Variants in MYO3B observed in about 807,000 individuals in gnomAD.
The protein encoded by MYO3B is myosin-IIIb.
MYO3B carries 156 observed loss-of-function variants against 174.6 expected under a neutral mutation model. The observed-to-expected ratio is 0.89, with a 90% CI of 0.78 to 1.02. The LOEUF (loss-of-function observed/expected upper bound fraction) is 1.02, where lower values mean the gene tolerates loss of function less well. MYO3B is among the 50% of genes least tolerant of loss of function. The probability of loss-of-function intolerance (pLI) is 0.00; values close to 1 mark genes in which losing one functional copy is unlikely to be tolerated. For missense variants in MYO3B, 1,632 were observed against 1,639.4 expected, an observed-to-expected ratio of 1.00 and a Z score of 0.08; for synonymous variants, 563 against 569.1, an observed-to-expected ratio of 0.99 and a Z score of 0.15.
rs551969787 is a variant in MYO3B, at chr2:170,534,590, T to C, written c.3576-8316T>C. On this transcript the variant is annotated intron_variant, in intron 30 of 34. Coordinates refer to ENST00000408978, the MANE Select transcript of MYO3B (RefSeq NM_138995.5). ...CCACCGAAGTAGCTGGGACTACAGA[T>C]GTGCGCCACCACGCCTGACTAAATT... Among the ~76,000 whole-genome samples, 4 of 152,262 alleles carry C rather than the reference T, an allele frequency of 2.6e-5. No individual in the cohort carries two copies. The East Asian group carries it at 7.7e-4, about 29-fold the overall frequency.
intron 32 of MYO3B, among the ~76,000 whole-genome samples, chr2:170,622,579 TTTTA>T (rs1482543180): frequency 1.1e-4 from 16 of 151,052 alleles, no homozygotes; most frequent in African/African-American, 4.0e-4. Flanking sequence ...ATACATTTTT[TTTTA>T]TTATTATACT....
chr2:170,343,015 A>G (rs1194911297), intron 8 of MYO3B, among the ~76,000 whole-genome samples: 1 of 148,344 alleles, frequency 6.7e-6, no homozygotes, highest in Non-Finnish European at 1.5e-5. Flanking sequence ...ACTTACTTCC[A>G]CAGTTCGGGC....
At chr2:170,243,690 G>A (rs953694226) in intron 7 of MYO3B, among the ~76,000 whole-genome samples, 5 of 152,060 alleles carry the variant, frequency 3.3e-5, no homozygotes, top group Admixed American at 3.3e-4. Flanking sequence ...ATATCTCAAG[G>A]GCATATTTAT....
chr2:170,486,552 C>T (rs1354674044), intron 25 of MYO3B, among the ~76,000 whole-genome samples: 2 of 152,154 alleles, frequency 1.3e-5, no homozygotes, highest in Non-Finnish European at 2.9e-5. Flanking sequence ...CCGCCCGCCT[C>T]GGCCTCCCAG....
chr2:170,489,169 C>T (rs1686267765), intron 25 of MYO3B, among the ~76,000 whole-genome samples: 1 of 152,180 alleles, frequency 6.6e-6, no homozygotes, highest in African/African-American at 2.4e-5. Context: ...AAATTTCTCA[C>T]CTTGGGCCAA....
At chr2:170,348,826 A>T (rs1344407500) in intron 8 of MYO3B, among the ~76,000 whole-genome samples, 2 of 152,128 alleles carry the variant, frequency 1.3e-5, no homozygotes, top group Non-Finnish European at 2.9e-5. Context: ...TGCTTTCCCT[A>T]ATCCACTTCT....
At chr2:170,650,873 G>A (rs1267239919) in intron 32 of MYO3B, among the ~76,000 whole-genome samples, 7 of 151,340 alleles carry the variant, frequency 4.6e-5, no homozygotes, top group African/African-American at 1.2e-4. Flanking sequence ...TAGTAGAGAC[G>A]GGGTTTCACC....
At chr2:170,207,873 C>T (rs2092730748) in intron 3 of MYO3B, among the ~76,000 whole-genome samples, 3 of 152,040 alleles carry the variant, frequency 2.0e-5, no homozygotes, top group Non-Finnish European at 4.4e-5. Context: ...CTTTCTTTTC[C>T]TCCATCCTTG....
At chr2:170,464,438 A>G (rs7559169) in intron 24 of MYO3B, among the ~76,000 whole-genome samples, 76,270 of 151,872 alleles carry the variant, frequency 0.5, 20,774 homozygotes, top group Middle Eastern at 0.63. Flanking sequence ...TTGGCACAAG[A>G]AAGGGCTTGG....
chr2:170,336,092 G>A (rs1421253406), intron 8 of MYO3B, among the ~76,000 whole-genome samples: 2 of 152,136 alleles, frequency 1.3e-5, no homozygotes, highest in Admixed American at 6.5e-5. Context: ...CTGGGGTCAT[G>A]GGCTTTTGGA....
At chr2:170,582,434 A>T (rs1050156445) in intron 32 of MYO3B, among the ~76,000 whole-genome samples, 2 of 151,982 alleles carry the variant, frequency 1.3e-5, no homozygotes, top group African/African-American at 4.8e-5. Flanking sequence ...CAGTTCTGGT[A>T]TCATTTTTGG....
chr2:170,357,474 G>A (rs1028169467), intron 8 of MYO3B, among the ~76,000 whole-genome samples: 5 of 150,926 alleles, frequency 3.3e-5, no homozygotes, highest in African/African-American at 4.9e-5. Flanking sequence ...TGTGGACACC[G>A]CTAACAAAGT....
intron 6 of MYO3B, among the ~76,000 whole-genome samples, chr2:170,234,158 G>C (rs182862664): frequency 9.3e-6 from 1 of 107,844 alleles, no homozygotes; most frequent in African/African-American, 3.3e-5. Flanking sequence ...GCGACAGAGT[G>C]AGACTCCGTC....
chr2:170,512,218 T>A (rs572213473), intron 28 of MYO3B, among the ~76,000 whole-genome samples: 1 of 125,856 alleles, frequency 7.9e-6, no homozygotes, highest in Non-Finnish European at 1.8e-5. Flanking sequence ...GGATTTCTTA[T>A]AGGGCTGTAG....
intron 24 of MYO3B, among the ~76,000 whole-genome samples, chr2:170,464,006 A>G (rs754074408): frequency 3.5e-4 from 53 of 152,298 alleles, no homozygotes; most frequent in Non-Finnish European, 1.3e-4. Context: ...AAAGCGTTAG[A>G]GTTGGAAGGC....
intron 25 of MYO3B, among the ~76,000 whole-genome samples, chr2:170,470,127 A>AAAAAAAAAG (rs1559032928): frequency 7.0e-6 from 1 of 141,886 alleles, no homozygotes; most frequent in Non-Finnish European, 1.5e-5. Flanking sequence ...AAAAAAAAAA[A>AAAAAAAAAG]AAAGAAGGAA....
chr2:170,601,320 A>G (rs1030584026), intron 32 of MYO3B, among the ~76,000 whole-genome samples: 1 of 152,220 alleles, frequency 6.6e-6, no homozygotes, highest in African/African-American at 2.4e-5. Context: ...ATCCCCATAT[A>G]TAACTAATTT....
At chr2:170,555,832 AC>A (rs1691248656) in intron 32 of MYO3B, among the ~76,000 whole-genome samples, 1 of 152,046 alleles carries the variant, frequency 6.6e-6, no homozygotes, top group African/African-American at 2.4e-5. Flanking sequence ...TGATGGTACC[AC>A]TGCACTCCAG....
rs532438028 is a variant in MYO3B at position 170,271,763 on chromosome 2, C to T, written c.749+35627C>T. ...ATTGTTATAATAAGAATTTTAACCA[C>T]AAACAAGCCAAATTTACTGAATTCT... On this transcript the variant is annotated intron_variant, in intron 7 of 34. Transcript: ENST00000408978. Among the ~76,000 whole-genome samples, 214 of 152,318 alleles carry T rather than the reference C, an allele frequency of 1.4e-3. 3 individuals are homozygous for T. Among genetic ancestry groups the T allele is most frequent in the African/African-American group, 4.8e-3 (199 of 41,574 alleles).
Sources: allele counts gnomAD v4.1 joint callset (sites outside exome capture counted in the v4.1 genomes callset), GRCh38; gene constraint gnomAD v4.1.1; transcripts MANE v1.5; gene names NCBI Gene and HGNC (gene_info 2026-07-23, HGNC 2026-07-21).